KDM4C: variants seen among roughly 807,000 people sequenced by gnomAD.
The protein encoded by KDM4C is lysine-specific demethylase 4C.
In KDM4C, 81 loss-of-function variants were observed where a neutral mutation model predicts 129.3. The observed-to-expected ratio is 0.63, with a 90% confidence interval of 0.52 to 0.75. The LOEUF is 0.75. Ranked by LOEUF, KDM4C falls within the 30% of genes least tolerant of loss-of-function variation. The probability of loss-of-function intolerance (pLI) is 0.00; values close to 1 mark genes in which losing one functional copy is unlikely to be tolerated. For synonymous variants in KDM4C, 573 were observed against 456.1 expected (o/e 1.26, Z -3.26); for missense variants, 1,457 against 1,304.0 (o/e 1.12, Z -1.81).
At chr9:7,072,522 A>G (rs1175683229) in intron 17 of KDM4C, among the ~76,000 whole-genome samples, 1 of 152,204 alleles carries the variant, frequency 6.6e-6, no homozygotes, top group Admixed American at 6.5e-5. Flanking sequence ...GCCTGACTCA[A>G]AAGGCTCCGT....
At chr9:6,845,894 C>G (rs1484612070) in intron 4 of KDM4C, among the ~76,000 whole-genome samples, 1 of 152,212 alleles carries the variant, frequency 6.6e-6, no homozygotes, top group Non-Finnish European at 1.5e-5. Flanking sequence ...GGTGTGCAGC[C>G]TTTCTGCTGA....
rs777981928 is a variant in KDM4C at position 6,865,008 on chromosome 9, C to CTTTTTTTTTT, written c.630-14997_630-14988dup. ...TTCAATCTCTTTGTTAAATTTCTTT[C>CTTTTTTTTTT]TTTTTTTTTTTTTTTTGTGAGATAG... is the stretch of plus-strand genomic sequence containing the variant. On this transcript the variant is annotated intron_variant, in intron 5 of 21. Coordinates refer to ENST00000381309, the MANE Select transcript of KDM4C (RefSeq NM_015061.6). Among the ~76,000 whole-genome samples, 6 of 126,586 alleles carry CTTTTTTTTTT rather than the reference C, an allele frequency of 4.7e-5. 1 individual carries two copies. The highest frequency in any genetic ancestry group is 8.6e-5 in the Admixed American group (1 of 11,662). The allele number at this position is 126,586 out of a possible 152,430, so 83.0% of individuals were successfully genotyped here. A position where few individuals can be genotyped will look rare whatever the true frequency, so the allele number is the denominator to read the frequency against.
intron 8 of KDM4C, among the ~76,000 whole-genome samples, chr9:6,923,412 C>G (rs1413405214): frequency 6.6e-6 from 1 of 151,990 alleles, no homozygotes; most frequent in Non-Finnish European, 1.5e-5. Flanking sequence ...TTCTGAGTGG[C>G]TATCTTATGA....
Position 7,174,981 on chromosome 9 carries a change from G to A in KDM4C, c.*252G>A, listed in dbSNP as rs898846943. ...AGTTGTCTTCTATGATCCCAAAGAA[G>A]TTTTCTAAGTGAAAGGAAATACTAG... is the stretch of plus-strand genomic sequence containing the variant. On this transcript the variant is annotated 3_prime_UTR_variant, in exon 22 of 22. Transcript: ENST00000381309. The A allele has an allele frequency of 2.8e-6, 1 of 352,530 alleles. No individual in the cohort carries two copies. Among genetic ancestry groups the A allele is most frequent in the Non-Finnish European group, 5.2e-6 (1 of 190,494 alleles). 21.8% of individuals were successfully genotyped at this position (352,530 alleles called of 1,614,324 possible).
At chr9:6,987,355 T>G (rs1817909752) in intron 11 of KDM4C, among the ~76,000 whole-genome samples, 1 of 152,214 alleles carries the variant, frequency 6.6e-6, no homozygotes, top group Non-Finnish European at 1.5e-5. Flanking sequence ...TTTGGAAAAT[T>G]GTACAATATT....
intron 12 of KDM4C, among the ~76,000 whole-genome samples, chr9:6,993,940 G>A (rs1376709632): frequency 1.3e-5 from 2 of 151,356 alleles, no homozygotes; most frequent in African/African-American, 4.8e-5. Flanking sequence ...TGCGACGTGA[G>A]TCTTCCTTTC....
intron 12 of KDM4C, among the ~76,000 whole-genome samples, chr9:6,994,359 T>C (rs142559527): frequency 6.6e-4 from 100 of 152,280 alleles, no homozygotes; most frequent in South Asian, 1.7e-3. Context: ...GCTGTTACAT[T>C]ATGTGTGGCA....
intron 12 of KDM4C, among the ~76,000 whole-genome samples, chr9:6,996,873 A>G (rs1586798954): frequency 6.6e-6 from 1 of 152,202 alleles, no homozygotes; most frequent in East Asian, 1.9e-4. Flanking sequence ...TGGCCAAACA[A>G]GTGTTTTTTA....
chr9:6,741,246 A>G (rs543833345), intron 1 of KDM4C, among the ~76,000 whole-genome samples: 3 of 151,770 alleles, frequency 2.0e-5, no homozygotes, highest in Admixed American at 6.6e-5. Context: ...AAATACAAAA[A>G]TTAGCCAAGG....
At chr9:7,019,625 T>A (rs1824295512) in intron 15 of KDM4C, among the ~76,000 whole-genome samples, 1 of 149,724 alleles carries the variant, frequency 6.7e-6, no homozygotes, top group Non-Finnish European at 1.5e-5. Context: ...TTATGAGGTA[T>A]ATGAGAATTG....
chr9:6,919,737 G>A (rs1246850272), intron 8 of KDM4C, among the ~76,000 whole-genome samples: 2 of 151,638 alleles, frequency 1.3e-5, no homozygotes, highest in African/African-American at 4.8e-5. Context: ...CACCATGCCT[G>A]GCTAATTTTG....
chr9:7,076,574 G>C (rs1833945356), intron 17 of KDM4C: 1 of 1,507,764 alleles, frequency 6.6e-7, no homozygotes, highest in African/African-American at 1.4e-5. Context: ...CTCCATGGGA[G>C]CAGCCAGCAT....
At chr9:6,743,294 A>T (rs1817764733) in intron 1 of KDM4C, among the ~76,000 whole-genome samples, 1 of 152,158 alleles carries the variant, frequency 6.6e-6, no homozygotes, top group South Asian at 2.1e-4. Context: ...ACTTCGTTCA[A>T]GCAAAATTAC....
Position 6,792,754 on chromosome 9 carries a change from T to C in KDM4C, c.-17-218T>C, listed in dbSNP as rs553810344. ...CAGTATAGTCAGATCAGTGGTTCTCTACCTGGCATAGGGAACTTGGCAAGA... is the reference window on the plus strand; with the variant it reads ...CAGTATAGTCAGATCAGTGGTTCTCCACCTGGCATAGGGAACTTGGCAAGA... On this transcript the variant is annotated intron_variant, in intron 1 of 21. Coordinates refer to ENST00000381309, the MANE Select transcript of KDM4C (RefSeq NM_015061.6). Among the ~76,000 whole-genome samples, 3 of 152,296 alleles carry C rather than the reference T, an allele frequency of 2.0e-5. No individual in the cohort carries two copies. In the South Asian group the frequency reaches 6.2e-4, roughly 32 times the overall value.
chr9:6,811,755 C>G (rs1831192217), intron 3 of KDM4C, among the ~76,000 whole-genome samples: 1 of 152,054 alleles, frequency 6.6e-6, no homozygotes, highest in Admixed American at 6.6e-5. Flanking sequence ...AGCCCCGTGT[C>G]TAGGGTTTTG....
chr9:6,929,279 T>C (rs1016039762), intron 8 of KDM4C, among the ~76,000 whole-genome samples: 17 of 152,198 alleles, frequency 1.1e-4, no homozygotes, highest in African/African-American at 4.8e-5. Context: ...CAATAAATCT[T>C]GAAGGAATGA....
upstream of KDM4C, among the ~76,000 whole-genome samples, chr9:6,754,567 C>T (rs1415603103): frequency 1.3e-5 from 2 of 152,042 alleles, no homozygotes; most frequent in Non-Finnish European, 2.9e-5. Flanking sequence ...CAAAATTAGA[C>T]TATTATTTAG....
intron 18 of KDM4C, among the ~76,000 whole-genome samples, chr9:7,109,056 G>A (rs1263805104): frequency 6.6e-6 from 1 of 152,204 alleles, no homozygotes; most frequent in African/African-American, 2.4e-5. Flanking sequence ...ATGCAGAATT[G>A]TAGTAGAAGT....
upstream of KDM4C, among the ~76,000 whole-genome samples, chr9:6,754,379 A>G (rs976145323): frequency 1.9e-4 from 28 of 149,440 alleles, no homozygotes; most frequent in Non-Finnish European, 3.0e-4. Flanking sequence ...TGCCCAGCTA[A>G]TTTTTGTATT....
Sources: allele counts gnomAD v4.1 joint callset (sites outside exome capture counted in the v4.1 genomes callset), GRCh38; gene constraint gnomAD v4.1.1; transcripts MANE v1.5; gene names NCBI Gene and HGNC (gene_info 2026-07-23, HGNC 2026-07-21).